TMIGD2: variants seen among roughly 807,000 people sequenced by gnomAD.
TMIGD2 encodes the protein transmembrane and immunoglobulin domain-containing protein 2.
A neutral mutation model predicts 22.6 loss-of-function variants in TMIGD2; 18 were observed. That is an observed-to-expected ratio of 0.80 (90% confidence interval 0.55 to 1.18). The LOEUF (loss-of-function observed/expected upper bound fraction) is 1.18. Ranked by LOEUF, TMIGD2 falls within the 50% of genes most tolerant of loss-of-function variation. The pLI is 0.00. For synonymous variants in TMIGD2, 184 were observed against 154.1 expected (o/e 1.19, Z -1.44); for missense variants, 361 against 378.2 (o/e 0.95, Z 0.38).
At chr19:4,294,898 G>T in intron 2 of TMIGD2, 82 bp from the exon 3 acceptor site, 1 of 1,354,208 alleles carries the variant, frequency 7.4e-7, no homozygotes, top group Non-Finnish European at 9.8e-7. Context: ...GGACCTAAGT[G>T]TTCCTCCTCC....
intron 1 of TMIGD2, among the ~76,000 whole-genome samples, chr19:4,299,054 T>C (rs1018191852): frequency 2.6e-5 from 4 of 152,156 alleles, no homozygotes; most frequent in Non-Finnish European, 5.9e-5. Flanking sequence ...GGGAAAGGAA[T>C]GGCAGTGGCC....
intron 1 of TMIGD2, among the ~76,000 whole-genome samples, chr19:4,300,165 G>A (rs1971517038): frequency 6.6e-6 from 1 of 152,060 alleles, no homozygotes; most frequent in Non-Finnish European, 1.5e-5. Flanking sequence ...GGAGGCTGAG[G>A]CAGGAGAATC....
chr19:4,296,586 A>G (rs368549942), intron 2 of TMIGD2, among the ~76,000 whole-genome samples: 1 of 152,176 alleles, frequency 6.6e-6, no homozygotes, highest in African/African-American at 2.4e-5. Context: ...CACAGCTGCC[A>G]ACGCACAGCC....
intron 4 of TMIGD2, 85 bp from the exon 5 acceptor site, chr19:4,292,970 T>G (rs1971403261): frequency 6.4e-7 from 1 of 1,564,788 alleles, no homozygotes; most frequent in Non-Finnish European, 8.6e-7. Context: ...GTCTCTTTTT[T>G]TTTTTTTCTG....
At chr19:4,297,961 TC>T (rs1451824908) in intron 2 of TMIGD2, 24 bp downstream of exon 2, 2 of 1,535,472 alleles carry the variant, frequency 1.3e-6, no homozygotes, top group Non-Finnish European at 1.8e-6. Context: ...CCACTGCCCC[TC>T]CCTCTCCCCG....
At chr19:4,294,603 G>T in exon 4 of TMIGD2, 1 of 1,610,536 alleles carries the variant, frequency 6.2e-7, no homozygotes. Flanking sequence ...TGGCAGCTGC[G>T]GCGGCCCCAG....
intron 3 of TMIGD2, 41 bp downstream of exon 3, chr19:4,294,734 G>T: frequency 1.3e-6 from 2 of 1,572,874 alleles, no homozygotes; most frequent in Non-Finnish European, 1.7e-6. Flanking sequence ...GTGGTGATGC[G>T]GGTGGAAGAC....
At chr19:4,294,417 T>C in intron 4 of TMIGD2, 162 bp downstream of exon 4, 1 of 700,202 alleles carries the variant, frequency 1.4e-6, no homozygotes, top group Non-Finnish European at 2.4e-6. Context: ...GCTTTGTCTC[T>C]ATTTCTGAAA....
At chr19:4,298,474 C>T (rs555814361) in intron 1 of TMIGD2, 129 bp from the exon 2 acceptor site, 18 of 1,353,714 alleles carry the variant, frequency 1.3e-5, no homozygotes, top group African/African-American at 5.9e-5. Flanking sequence ...CAGTGGCTCA[C>T]GCCTGTAGTC....
intron 2 of TMIGD2, among the ~76,000 whole-genome samples, chr19:4,295,514 C>T (rs1971451145): frequency 6.6e-6 from 1 of 151,510 alleles, no homozygotes; most frequent in East Asian, 1.9e-4. Flanking sequence ...GAGCCAAGAT[C>T]GAGCCACTGC....
At chr19:4,300,004 T>C (rs549230057) in intron 1 of TMIGD2, among the ~76,000 whole-genome samples, 44 of 152,174 alleles carry the variant, frequency 2.9e-4, no homozygotes, top group African/African-American at 1.0e-3. Flanking sequence ...CTCACGCCTG[T>C]AATCCCAGCA....
intron 2 of TMIGD2, 61 bp downstream of exon 2, chr19:4,297,923 CAA>C: frequency 1.4e-6 from 2 of 1,477,120 alleles, no homozygotes. Context: ...GTTTAAGACT[CAA>C]AAGTCTTAAG....
At chr19:4,300,639 T>C (rs1292141628) in intron 1 of TMIGD2, among the ~76,000 whole-genome samples, 1 of 152,220 alleles carries the variant, frequency 6.6e-6, no homozygotes, top group Non-Finnish European at 1.5e-5. Context: ...TACAAGTACA[T>C]GCCACTGTGC....
chr19:4,292,423 C>A (rs1053980306), exon 5 of TMIGD2: 3 of 686,994 alleles, frequency 4.4e-6, no homozygotes, highest in East Asian at 2.7e-5. Flanking sequence ...CTCACTGCAA[C>A]CTCCGCCTCC....
At chr19:4,294,554 T>C (rs62129297) in intron 4 of TMIGD2, 25 bp downstream of exon 4, 303,196 of 1,603,968 alleles carry the variant, frequency 0.19, 30,411 homozygotes, top group South Asian at 0.26. Context: ...TCCTCCGCCC[T>C]ACCCTCCCTT....
At chr19:4,299,968 C>T (rs1366069171) in intron 1 of TMIGD2, among the ~76,000 whole-genome samples, 1 of 151,754 alleles carries the variant, frequency 6.6e-6, no homozygotes, top group Non-Finnish European at 1.5e-5. Context: ...GATCAACCTC[C>T]TGGGTTCATG....
intron 1 of TMIGD2, among the ~76,000 whole-genome samples, chr19:4,299,689 C>A (rs1032038485): frequency 6.6e-6 from 1 of 151,668 alleles, no homozygotes; most frequent in Non-Finnish European, 1.5e-5. Context: ...GAGTTCGAGA[C>A]CCGTCTGGCC....
In TMIGD2 at chr19:4,299,691, C is replaced by T. The variant is rs144420388; in HGVS notation, c.47-1346G>A. Among the ~76,000 whole-genome samples the T allele has an allele frequency of 2.7e-3, 406 of 148,438 alleles. 1 individual carries two copies. Among genetic ancestry groups the T allele is most frequent in the African/African-American group, 9.6e-3 (387 of 40,320 alleles). ...CACCTGAGGTCAGGAGTTCGAGACC[C>T]GTCTGGCCAACGTGGTGAAACTCCA... On this transcript the variant is annotated intron_variant, in intron 1 of 4. Coordinates refer to ENST00000301272, the Ensembl canonical transcript of TMIGD2.
exon 2 of TMIGD2, chr19:4,298,093 T>G: frequency 6.2e-7 from 1 of 1,613,460 alleles, no homozygotes; most frequent in Non-Finnish European, 8.5e-7. Context: ...GCTCACAGGG[T>G]CCAGCTGCAG....
Sources: allele counts gnomAD v4.1 joint callset (sites outside exome capture counted in the v4.1 genomes callset), GRCh38; gene constraint gnomAD v4.1.1; transcripts MANE v1.5; gene names NCBI Gene and HGNC (gene_info 2026-07-23, HGNC 2026-07-21).